The following CCDC88B variants were observed in gnomAD, a reference collection of about 807,000 sequenced individuals.
CCDC88B encodes the protein coiled-coil and HOOK domain protein 88B.
CCDC88B carries 138 observed loss-of-function variants against 183.7 expected under a neutral mutation model. The ratio of observed to expected loss-of-function variants is 0.75; its 90% confidence interval spans 0.65 to 0.87. CCDC88B has a LOEUF of 0.87. Among genes scored for constraint, CCDC88B ranks in the 40% least tolerant of loss-of-function variants. CCDC88B has a pLI of 0.00. For missense variants in CCDC88B, 1,822 were observed against 1,965.6 expected, an observed-to-expected ratio of 0.93 and a Z score of 1.38; for synonymous variants, 835 against 867.5, an observed-to-expected ratio of 0.96 and a Z score of 0.66.
chr11:64,353,316 G>A (rs1463743610), intron 21 of CCDC88B, 35 bp from the exon 22 acceptor site: 1 of 1,607,334 alleles, frequency 6.2e-7, no homozygotes, highest in Non-Finnish European at 8.5e-7. Context: ...CCTGAGCTGG[G>A]TCCCACCCTC....
In CCDC88B at chr11:64,345,076, G is replaced by A. The variant is rs1454329381; in HGVS notation, c.2535G>A (p.Arg845=). The change falls in exon 14 of 27, where the codon CGG becomes CGA. Residue 845 remains arginine (R), a synonymous_variant. Coordinates refer to ENST00000356786, the MANE Select transcript of CCDC88B (RefSeq NM_032251.6). ...LRAQSEAAEE[R]MQVLESEGRQ... is the part of the protein sequence containing the mutation. ...CCCAGTCGGAGGCCGCCGAGGAACG[G>A]ATGCAGGTGCTGGAGAGCGAGGGCC... 1.3e-6 allele frequency: 2 copies of A among 1,551,738 alleles called. No homozygotes were observed. Among genetic ancestry groups the A allele is most frequent in the Admixed American group, 3.9e-5 (2 of 51,530 alleles).
rs1028488188 is a variant in CCDC88B, at chr11:64,351,698, A to G, written c.3099+82A>G. On this transcript the variant is annotated intron_variant, in intron 18 of 26. Transcript: ENST00000356786. The stretch of plus-strand genomic sequence containing the variant: ...TTGGATCATCCTGTGGCCTTTTTCT[A>G]TCCCAGCTCCCAGCCAGCTGCCCCA... 28 of 1,424,040 alleles carry G rather than the reference A, an allele frequency of 2.0e-5. No homozygotes were observed. In the African/African-American group the frequency reaches 4.0e-4, roughly 21 times the overall value. The allele number at this position is 1,424,040 out of a possible 1,614,324, so 88.2% of individuals were successfully genotyped here.
intron 7 of CCDC88B, 108 bp downstream of exon 7, chr11:64,341,850 G>A: frequency 2.7e-6 from 2 of 747,038 alleles, no homozygotes; most frequent in Non-Finnish European, 3.6e-6. Context: ...TGGGGTTGTG[G>A]TCTGAGGTCT....
intron 14 of CCDC88B, among the ~76,000 whole-genome samples, chr11:64,348,152 T>C (rs2036188484): frequency 6.6e-6 from 1 of 151,232 alleles, no homozygotes; most frequent in Non-Finnish European, 1.5e-5. Flanking sequence ...AGAATGGACC[T>C]GTTCCATGGG....
Position 64,343,533 on chromosome 11 carries a change from G to A in CCDC88B, c.1236G>A (p.Val412=), listed in dbSNP as rs2035973401. The change falls in exon 12 of 27, where the codon GTG becomes GTA. Residue 412 remains valine, a synonymous_variant. Transcript: ENST00000356786. ...AGCTGGACTCTCTGCGGCATCAGGT[G>A]GACCAGCTGGCTGAGGAGAATGTGG... ...HAELDSLRHQ[V]DQLAEENVEL... The A allele has an allele frequency of 6.4e-7, 1 of 1,551,934 alleles. No homozygotes were observed. The highest frequency in any genetic ancestry group is 1.2e-5 in the South Asian group (1 of 84,074).
chr11:64,342,463 C>G (rs1362806755), intron 9 of CCDC88B, 59 bp from the exon 10 acceptor site: 2 of 1,538,586 alleles, frequency 1.3e-6, no homozygotes, highest in African/African-American at 1.4e-5. Flanking sequence ...GGCTCCTTCC[C>G]GTCCCTAATC....
At position 64,344,203 on chromosome 11, in the gene CCDC88B, C is replaced by T. The variant is rs2036004407; in HGVS notation, c.1662C>T (p.Asp554=). 6.2e-7 allele frequency: 1 copy of T among 1,611,536 alleles called. No individual in the cohort carries two copies. The highest frequency in any genetic ancestry group is 8.5e-7 in the Non-Finnish European group (1 of 1,179,082). Residue 554 remains aspartate, a synonymous_variant, in exon 14 of 27, where the codon GAC becomes GAT. Transcript: ENST00000356786. The surrounding 1 kb of genome is among the most constrained non-coding windows in gnomAD (Gnocchi z 4.5). ...AGTGTCCCCAGGCACCTGATTCAGA[C>T]CCACAGGAGGCAGAGAGTCCCCTTC... ...SAECPQAPDS[D]PQEAESPLQA... is the part of the protein sequence containing the mutation.
At chr11:64,341,906 C>T in intron 7 of CCDC88B, 88 bp from the exon 8 acceptor site, 1 of 651,614 alleles carries the variant, frequency 1.5e-6, no homozygotes, top group South Asian at 2.2e-5. Flanking sequence ...GACCCCAGAC[C>T]ACAACCCCAT....
rs755600205 is a variant in CCDC88B, at chr11:64,355,284, G to A, written c.4190G>A (p.Ser1397Asn). ...TLAGGQRRKLSSRFPVGRSSE... is the reference protein window; with the variant it reads ...TLAGGQRRKLNSRFPVGRSSE... ...GCAGGCGGGCAGCGGCGGAAACTCAGCTCAAGGTTCCCGGTGGGGCGAAGC... is the reference window on the plus strand; with the variant it reads ...GCAGGCGGGCAGCGGCGGAAACTCAACTCAAGGTTCCCGGTGGGGCGAAGC... The change falls in exon 25 of 27, where the codon AGC becomes AAC. Residue 1397 changes from serine to asparagine, a missense_variant. By Grantham distance (46) the Ser-to-Asn change is conservative. Coordinates refer to ENST00000356786, the MANE Select transcript of CCDC88B (RefSeq NM_032251.6). 6.3e-7 allele frequency: 1 copy of A among 1,589,698 alleles called. No homozygotes were observed. Among genetic ancestry groups the A allele is most frequent in the South Asian group, 1.1e-5 (1 of 87,954 alleles).
In CCDC88B at chr11:64,343,540, C is replaced by A. The variant is rs1345928039; in HGVS notation, c.1243C>A (p.Leu415Met). 5 of 1,551,950 alleles carry A rather than the reference C, an allele frequency of 3.2e-6. No individual in the cohort carries two copies. The highest frequency in any genetic ancestry group is 1.2e-5 in the South Asian group (1 of 84,072). Residue 415 changes from leucine to methionine, a missense_variant, in exon 12 of 27, where the codon CTG becomes ATG. Transcript: ENST00000356786. ...LDSLRHQVDQ[L>M]AEENVELELE... ...CTCTCTGCGGCATCAGGTGGACCAG[C>A]TGGCTGAGGAGAATGTGGAGCTGGA...
Position 64,355,265 on chromosome 11 carries a change from G to C in CCDC88B, c.4171G>C (p.Gly1391Arg), listed in dbSNP as rs146196688. 2 of 1,574,938 alleles carry C rather than the reference G, an allele frequency of 1.3e-6. No homozygotes were observed. The highest frequency in any genetic ancestry group is 2.3e-5 in the East Asian group (1 of 43,864). ...LCLRDETLAGGQRRKLSSRFP... is the reference protein window; with the variant it reads ...LCLRDETLAGRQRRKLSSRFP... ...CCTGCGGGATGAGACCTTGGCAGGCGGGCAGCGGCGGAAACTCAGCTCAAG... is the reference window on the plus strand; with the variant it reads ...CCTGCGGGATGAGACCTTGGCAGGCCGGCAGCGGCGGAAACTCAGCTCAAG... Residue 1391 changes from glycine to arginine, a missense_variant, in exon 25 of 27, where the codon GGG becomes CGG. Transcript: ENST00000356786.
rs911007732 is a variant in CCDC88B at position 64,353,612 on chromosome 11, A to G, written c.3834-103A>G. ...GGAGCTGACCTTCCAGGTCAGTCCAATCTGCGGCACGGGACCAGTGCGTCC... is the reference window on the plus strand; with the variant it reads ...GGAGCTGACCTTCCAGGTCAGTCCAGTCTGCGGCACGGGACCAGTGCGTCC... On this transcript the variant is annotated intron_variant, in intron 22 of 26. Coordinates refer to ENST00000356786, the MANE Select transcript of CCDC88B (RefSeq NM_032251.6). The G allele has an allele frequency of 3.2e-6, 5 of 1,578,934 alleles. No individual in the cohort carries two copies. In the African/African-American group the frequency reaches 4.0e-5, roughly 13 times the overall value.
Position 64,345,180 on chromosome 11 carries a change from G to A in CCDC88B, c.2616+23G>A, listed in dbSNP as rs754352070. On this transcript the variant is annotated intron_variant, in intron 14 of 26. Transcript: ENST00000356786. ...GCGGTAGGTCAGGTTGGGGCTCACC[G>A]CTGGGGTTGGGAAGCAGAGTTCCAG... 18 of 1,533,326 alleles carry A rather than the reference G, an allele frequency of 1.2e-5. No individual in the cohort carries two copies. In the African/African-American group the frequency reaches 1.2e-4, roughly 10 times the overall value. The allele number at this position is 1,533,326 out of a possible 1,614,324, so 95.0% of individuals were successfully genotyped here. A position where few individuals can be genotyped will look rare whatever the true frequency, so the allele number is the denominator to read the frequency against.
Position 64,340,947 on chromosome 11 carries a change from C to G in CCDC88B, c.247C>G (p.Leu83Val). 6.3e-7 allele frequency: 1 copy of G among 1,594,274 alleles called. No individual in the cohort carries two copies. Among genetic ancestry groups the G allele is most frequent in the Non-Finnish European group, 8.6e-7 (1 of 1,169,552 alleles). Reference sequence around the variant, plus strand: ...AGGGGGACCTCGGATGCTCAGAGGCCTTGACGGACCTGCTGCCTGGCGAGT... The same window carrying G: ...AGGGGGACCTCGGATGCTCAGAGGCGTTGACGGACCTGCTGCCTGGCGAGT... ...SRGGPRMLRG[L>V]DGPAAWRVWN... The change falls in exon 3 of 27, where the codon CTT becomes GTT. Residue 83 changes from leucine (L) to valine (V), a missense_variant. By Grantham distance (32) the Leu-to-Val change is conservative. Transcript: ENST00000356786.
intron 12 of CCDC88B, 30 bp downstream of exon 12, chr11:64,343,645 G>T: frequency 6.5e-7 from 1 of 1,548,596 alleles, no homozygotes; most frequent in Non-Finnish European, 8.7e-7. Flanking sequence ...GGGCTGGGGT[G>T]GGGGCTTCCT....
rs1314845599 is a variant in CCDC88B, at chr11:64,351,314, C to T, written c.2958+59C>T. 27 of 1,496,784 alleles carry T rather than the reference C, an allele frequency of 1.8e-5. No homozygotes were observed. The East Asian group carries it at 6.7e-4, about 37-fold the overall frequency. 92.7% of individuals were successfully genotyped at this position (1,496,784 alleles called of 1,614,324 possible). On this transcript the variant is annotated intron_variant, in intron 17 of 26. Coordinates refer to ENST00000356786, the MANE Select transcript of CCDC88B (RefSeq NM_032251.6). Reference sequence around the variant, plus strand: ...TGCCCCGTGCAGTGTGAGTGTGGGTCCACGGTGGACCCTGGGCTGGGGGGT... The same window carrying T: ...TGCCCCGTGCAGTGTGAGTGTGGGTTCACGGTGGACCCTGGGCTGGGGGGT...
intron 15 of CCDC88B, 23 bp from the exon 16 acceptor site, chr11:64,349,528 G>C (rs970315940): frequency 1.3e-6 from 2 of 1,586,116 alleles, no homozygotes; most frequent in Non-Finnish European, 1.7e-6. Context: ...GGTGGGGCTG[G>C]GTGCTAAGGA....
rs2035994429 is a variant in CCDC88B at position 64,343,982 on chromosome 11, C to G, written c.1456-15C>G. The G allele has an allele frequency of 3.2e-6, 5 of 1,555,830 alleles. No individual in the cohort carries two copies. The highest frequency in any genetic ancestry group is 4.4e-6 in the Non-Finnish European group (5 of 1,148,456). ...TCCCTCCCTGGGCCTGACTGTCCCTCTCGTATGCCCTCAGCACCCCCTGCT... is the reference window on the plus strand; with the variant it reads ...TCCCTCCCTGGGCCTGACTGTCCCTGTCGTATGCCCTCAGCACCCCCTGCT... On this transcript the variant is annotated splice_polypyrimidine_tract_variant and intron_variant, in intron 13 of 26. Coordinates refer to ENST00000356786, the MANE Select transcript of CCDC88B (RefSeq NM_032251.6).
At position 64,355,604 on chromosome 11, in the gene CCDC88B, C is replaced by A; in HGVS notation, c.4351C>A (p.His1451Asn). The change falls in exon 26 of 27, where the codon CAC becomes AAC. Residue 1451 changes from histidine (H) to asparagine (N), a missense_variant. Coordinates refer to ENST00000356786, the MANE Select transcript of CCDC88B (RefSeq NM_032251.6). ...GAACTCCGCTGAGACCCTGCAGGAA[C>A]ACGAAACAGATGCCAACCGAGAGGG... ...WENSAETLQE[H>N]ETDANREGPE... 1 of 1,612,182 alleles carries A rather than the reference C, an allele frequency of 6.2e-7. No individual in the cohort carries two copies. Among genetic ancestry groups the A allele is most frequent in the Non-Finnish European group, 8.5e-7 (1 of 1,179,328 alleles).
Sources: gnomAD v4.1 joint callset for allele counts (sites outside exome capture counted in the v4.1 genomes callset) on GRCh38, gnomAD v4.1.1 for gene constraint, Gnocchi (gnomAD v3.1) non-coding constraint, MANE v1.5 for transcripts, NCBI Gene and HGNC (gene_info 2026-07-23, HGNC 2026-07-21) for gene names.